The following CLVS2 variants were observed in gnomAD, a reference collection of about 807,000 sequenced individuals.
The protein encoded by CLVS2 is clavesin 2, also known as clavesin-2.
In CLVS2, 19 loss-of-function variants were observed where a neutral mutation model predicts 29.0. The observed-to-expected ratio is 0.66, with a 90% CI of 0.46 to 0.96. The LOEUF is 0.96. Among genes scored for constraint, CLVS2 ranks in the 40% least tolerant of loss-of-function variants. The pLI is 0.00. For synonymous variants in CLVS2, 161 were observed against 151.3 expected (o/e 1.06, Z -0.47); for missense variants, 294 against 404.1 (o/e 0.73, Z 2.34).
chr6:123,051,519 A>T (rs1313286945), intron 4 of CLVS2, among the ~76,000 whole-genome samples: 1 of 152,218 alleles, frequency 6.6e-6, no homozygotes, highest in Admixed American at 6.5e-5. Context: ...AATGAAACCC[A>T]CTACCCTAGT....
chr6:123,063,178 A>C (rs1772803264), intron 5 of CLVS2, among the ~76,000 whole-genome samples: 1 of 152,172 alleles, frequency 6.6e-6, no homozygotes, highest in Non-Finnish European at 1.5e-5. Flanking sequence ...TGGTTGATAC[A>C]ATCATTAAAG....
chr6:123,003,217 G>T (rs929123571), intron 2 of CLVS2, among the ~76,000 whole-genome samples: 1 of 152,214 alleles, frequency 6.6e-6, no homozygotes, highest in Admixed American at 6.5e-5. Flanking sequence ...GACTAAGGCT[G>T]GCCTGAGCCA....
intron 2 of CLVS2, among the ~76,000 whole-genome samples, chr6:122,999,155 T>TG (rs1277626862): frequency 6.6e-6 from 1 of 152,120 alleles, no homozygotes; most frequent in East Asian, 1.9e-4. Context: ...GTTAAAACAT[T>TG]GGTGTATTTT....
intron 3 of CLVS2, among the ~76,000 whole-genome samples, chr6:123,040,589 T>G (rs903445208): frequency 1.3e-5 from 2 of 152,024 alleles, no homozygotes; most frequent in South Asian, 4.1e-4. Flanking sequence ...GGTCAGGAGT[T>G]CAAGACCAGC....
intron 3 of CLVS2, among the ~76,000 whole-genome samples, chr6:123,034,781 T>C (rs923627322): frequency 6.6e-6 from 1 of 152,128 alleles, no homozygotes; most frequent in Admixed American, 6.6e-5. Flanking sequence ...GTCAATTTCC[T>C]GGTTTTAGTC....
At chr6:123,063,247 A>G (rs1046012571) in intron 5 of CLVS2, among the ~76,000 whole-genome samples, 24 of 152,124 alleles carry the variant, frequency 1.6e-4, no homozygotes, top group Admixed American at 6.6e-4. Context: ...TATGTTTTTT[A>G]AAGACTGGAA....
intron 3 of CLVS2, among the ~76,000 whole-genome samples, chr6:123,014,094 C>T (rs1562164607): frequency 6.6e-6 from 1 of 152,120 alleles, no homozygotes; most frequent in Admixed American, 6.6e-5. Context: ...CAAGTCTTTG[C>T]TATTGTGAAT....
intron 3 of CLVS2, among the ~76,000 whole-genome samples, chr6:123,044,242 G>A (rs796857449): frequency 2.7e-4 from 41 of 152,304 alleles, no homozygotes; most frequent in African/African-American, 9.9e-4. Flanking sequence ...GCAAGTCAAT[G>A]ATTGGCATAT....
intron 2 of CLVS2, among the ~76,000 whole-genome samples, chr6:123,008,252 A>C (rs1391534206): frequency 6.6e-6 from 1 of 152,130 alleles, no homozygotes; most frequent in African/African-American, 2.4e-5. Context: ...TCTTGGAGCC[A>C]GATATTGAAT....
intron 3 of CLVS2, among the ~76,000 whole-genome samples, chr6:123,046,399 C>T (rs1364010366): frequency 6.6e-6 from 1 of 152,128 alleles, no homozygotes; most frequent in Non-Finnish European, 1.5e-5. Flanking sequence ...GTAGCTCACG[C>T]CTGTAATCCC....
intron 3 of CLVS2, among the ~76,000 whole-genome samples, chr6:123,018,499 T>C (rs1045908964): frequency 3.9e-5 from 6 of 151,976 alleles, no homozygotes; most frequent in Non-Finnish European, 7.4e-5. Context: ...CTTTCAAGTA[T>C]CAATTTAAAG....
In CLVS2 at chr6:123,069,775, G is replaced by A. The variant is rs969245112; in HGVS notation, c.*6014G>A. On this transcript the variant is annotated 3_prime_UTR_variant, in exon 6 of 6. Transcript: ENST00000275162. ...TATTTTCTACTCGAAGAGGCCATGG[G>A]GAAGTGATGGTCAAATCTCTGTTGT... The A allele has an allele frequency of 2.0e-5, 3 of 151,858 alleles. No homozygotes were observed. The highest frequency in any genetic ancestry group is 1.3e-4 in the Admixed American group (2 of 15,186). The allele number at this position is 151,858 out of a possible 1,614,324, so 9.4% of individuals were successfully genotyped here.
intron 3 of CLVS2, among the ~76,000 whole-genome samples, chr6:123,013,724 T>C (rs569550718): frequency 1.1e-3 from 167 of 152,154 alleles, no homozygotes; most frequent in Non-Finnish European, 1.9e-3. Flanking sequence ...GTTAGTTACA[T>C]ATGTATACAT....
At chr6:123,044,401 G>A (rs1334184347) in intron 3 of CLVS2, among the ~76,000 whole-genome samples, 1 of 152,122 alleles carries the variant, frequency 6.6e-6, no homozygotes, top group Admixed American at 6.5e-5. Flanking sequence ...AGTTGAGGAC[G>A]TGCCTGGGAA....
chr6:123,059,602 A>G (rs925507367), intron 5 of CLVS2, among the ~76,000 whole-genome samples: 2 of 152,112 alleles, frequency 1.3e-5, no homozygotes, highest in African/African-American at 4.8e-5. Context: ...GCTTTGCAGG[A>G]TAGACCTCAC....
At chr6:123,007,818 T>G (rs1774691035) in intron 2 of CLVS2, among the ~76,000 whole-genome samples, 1 of 152,224 alleles carries the variant, frequency 6.6e-6, no homozygotes, top group African/African-American at 2.4e-5. Flanking sequence ...TTTTGATTTA[T>G]AGCTTTCTTT....
At chr6:123,029,099 G>A (rs1775045773) in intron 3 of CLVS2, among the ~76,000 whole-genome samples, 1 of 152,156 alleles carries the variant, frequency 6.6e-6, no homozygotes, top group African/African-American at 2.4e-5. Context: ...GGCCATGCCT[G>A]CACCCTGATC....
chr6:123,043,251 G>C (rs1245398483), intron 3 of CLVS2, among the ~76,000 whole-genome samples: 1 of 152,086 alleles, frequency 6.6e-6, no homozygotes, highest in African/African-American at 2.4e-5. Context: ...TCTTCCTCTG[G>C]TTGGTAAAAT....
At chr6:122,998,206 C>T in intron 2 of CLVS2, 40 bp downstream of exon 2, 1 of 1,571,168 alleles carries the variant, frequency 6.4e-7, no homozygotes, top group Non-Finnish European at 8.6e-7. Flanking sequence ...CTTTTACTCT[C>T]CCATTTTCCA....
Sources: gnomAD v4.1 joint callset for allele counts (sites outside exome capture counted in the v4.1 genomes callset) on GRCh38, gnomAD v4.1.1 for gene constraint, MANE v1.5 for transcripts, NCBI Gene and HGNC (gene_info 2026-07-23, HGNC 2026-07-21) for gene names.